Variants in RNLS observed in about 807,000 individuals in gnomAD.
The protein encoded by RNLS is renalase, FAD dependent amine oxidase.
A neutral mutation model predicts 39.8 loss-of-function variants in RNLS; 39 were observed. The ratio of observed to expected loss-of-function variants is 0.98; its 90% confidence interval spans 0.76 to 1.28. The LOEUF (loss-of-function observed/expected upper bound fraction) is 1.28. Among genes scored for constraint, RNLS ranks in the 50% most tolerant of loss-of-function variants. RNLS has a pLI of 0.00. For missense variants in RNLS, 410 were observed against 413.3 expected, an observed-to-expected ratio of 0.99 and a Z score of 0.07; for synonymous variants, 147 against 150.7, an observed-to-expected ratio of 0.98 and a Z score of 0.18.
chr10:88,408,676 G>C (rs1303981482), intron 4 of RNLS, among the ~76,000 whole-genome samples: 2 of 151,746 alleles, frequency 1.3e-5, no homozygotes, highest in Non-Finnish European at 2.9e-5. Context: ...TTATTTATTT[G>C]GAATTTTTTT....
intron 5 of RNLS, among the ~76,000 whole-genome samples, chr10:88,334,127 G>T (rs974180786): frequency 2.0e-5 from 3 of 152,108 alleles, no homozygotes; most frequent in Admixed American, 2.0e-4. Context: ...GAGTCAAAGG[G>T]TAAGCATATT....
intron 4 of RNLS, among the ~76,000 whole-genome samples, chr10:88,554,048 T>C (rs931526017): frequency 1.3e-5 from 2 of 152,036 alleles, no homozygotes; most frequent in South Asian, 2.1e-4. Context: ...TAAAAATATA[T>C]ATGGAAAGAT....
intron 5 of RNLS, among the ~76,000 whole-genome samples, chr10:88,334,566 T>C (rs1847348110): frequency 6.6e-6 from 1 of 152,178 alleles, no homozygotes; most frequent in African/African-American, 2.4e-5. Flanking sequence ...CAATGGGAAA[T>C]GCAGATTTCA....
chr10:88,487,136 A>G (rs1171376708), intron 4 of RNLS, among the ~76,000 whole-genome samples: 1 of 152,158 alleles, frequency 6.6e-6, no homozygotes, highest in Non-Finnish European at 1.5e-5. Flanking sequence ...CTCATTTATA[A>G]GTGGGAGCTA....
chr10:88,387,502 CAAAAA>C (rs5786817), intron 4 of RNLS, among the ~76,000 whole-genome samples: 14 of 70,118 alleles, frequency 2.0e-4, no homozygotes, highest in East Asian at 1.2e-3. Flanking sequence ...GAGAACAGAG[CAAAAA>C]AAAAAAAAAA....
the RNLS span, among the ~76,000 whole-genome samples, chr10:88,204,567 A>G: frequency 1.3e-5 from 2 of 152,160 alleles, no homozygotes; most frequent in African/African-American, 4.8e-5. Context: ...AATGAGAATA[A>G]TGACTATTGA....
At chr10:88,292,740 GCA>G (rs976531412) in intron 6 of RNLS, among the ~76,000 whole-genome samples, 3 of 151,972 alleles carry the variant, frequency 2.0e-5, no homozygotes, top group African/African-American at 7.2e-5. Context: ...TACTCACACT[GCA>G]TCTTTTAATA....
intron 4 of RNLS, among the ~76,000 whole-genome samples, chr10:88,521,913 G>A (rs1211057430): frequency 6.6e-6 from 1 of 151,948 alleles, no homozygotes; most frequent in Admixed American, 6.6e-5. Context: ...TTAGAAGGCC[G>A]ATTTCCATCA....
At chr10:88,499,803 A>T (rs1845372803) in intron 4 of RNLS, among the ~76,000 whole-genome samples, 1 of 152,144 alleles carries the variant, frequency 6.6e-6, no homozygotes, top group African/African-American at 2.4e-5. Context: ...CTTGTGCCCC[A>T]GCAGTGGGCC....
the RNLS span, among the ~76,000 whole-genome samples, chr10:88,195,150 C>T: frequency 1.3e-5 from 2 of 152,080 alleles, no homozygotes; most frequent in Non-Finnish European, 2.9e-5. Context: ...TTTTTCCTGA[C>T]CCTGAATGAG....
chr10:88,419,357 T>C lies in RNLS; in HGVS notation c.527-56632A>G, dbSNP rs115307620. On this transcript the variant is annotated intron_variant, in intron 4 of 6. Coordinates refer to ENST00000331772, the MANE Select transcript of RNLS (RefSeq NM_001031709.3). ...GCAAGAATTCTGTCTTAGAGATCAT[T>C]CATATGGCCACTGCCAGAAGACTAG... Among the ~76,000 whole-genome samples, 1,515 of 152,260 alleles carry C rather than the reference T, an allele frequency of 1.0e-2. 27 individuals are homozygous for C. Among genetic ancestry groups the C allele is most frequent in the African/African-American group, 0.034 (1,433 of 41,540 alleles).
chr10:88,181,233 G>A, the RNLS span, among the ~76,000 whole-genome samples: 5 of 152,152 alleles, frequency 3.3e-5, no homozygotes, highest in African/African-American at 1.2e-4. Flanking sequence ...CAGGAAATTT[G>A]GAGGTCTCTA....
At chr10:88,213,385 T>G in the RNLS span, among the ~76,000 whole-genome samples, 1 of 151,888 alleles carries the variant, frequency 6.6e-6, no homozygotes, top group East Asian at 1.9e-4. Flanking sequence ...TCATACCCCT[T>G]TATTTCTGGC....
rs561944329 is a variant in RNLS, at chr10:88,404,376, G to T, written c.527-41651C>A. Among the ~76,000 whole-genome samples the T allele has an allele frequency of 8.3e-4, 127 of 152,166 alleles. 1 individual carries two copies. In the Middle Eastern group the frequency reaches 0.02, roughly 24 times the overall value. ...CTGTTTCATCATCTGGATAATGAAA[G>T]AGTTCTGTAAACTTCTCTACAATTC... On this transcript the variant is annotated intron_variant, in intron 4 of 6. Coordinates refer to ENST00000331772, the MANE Select transcript of RNLS (RefSeq NM_001031709.3).
chr10:88,257,384 C>T, the RNLS span, among the ~76,000 whole-genome samples: 7 of 152,134 alleles, frequency 4.6e-5, no homozygotes, highest in Admixed American at 6.5e-5. Context: ...GACAATATAG[C>T]GTGCACACTA....
At chr10:88,241,017 C>T in the RNLS span, among the ~76,000 whole-genome samples, 63 of 150,102 alleles carry the variant, frequency 4.2e-4, no homozygotes, top group Non-Finnish European at 7.5e-4. Context: ...TAAATTCTTA[C>T]ATGAAATGTA....
rs548970381 is a variant in RNLS at position 88,507,468 on chromosome 10, C to A, written c.526+65435G>T. Among the ~76,000 whole-genome samples, 90 of 152,194 alleles carry A rather than the reference C, an allele frequency of 5.9e-4. 1 individual carries two copies. The highest frequency in any genetic ancestry group is 2.0e-3 in the African/African-American group (83 of 41,556). ...AGTATTAAACCTTTCCTTTCACAAT[C>A]ATTTGTTCTTGAGCAACTGTACTAA... On this transcript the variant is annotated intron_variant, in intron 4 of 6. Coordinates refer to ENST00000331772, the MANE Select transcript of RNLS (RefSeq NM_001031709.3).
chr10:88,215,556 T>C, the RNLS span, among the ~76,000 whole-genome samples: 23 of 152,290 alleles, frequency 1.5e-4, no homozygotes, highest in African/African-American at 5.5e-4. Flanking sequence ...TCGCTTAAAT[T>C]GTAAATAATG....
intron 4 of RNLS, among the ~76,000 whole-genome samples, chr10:88,427,366 A>G (rs939828360): frequency 2.6e-5 from 4 of 152,002 alleles, no homozygotes; most frequent in Admixed American, 1.3e-4. Flanking sequence ...TTTCAGAACA[A>G]GAAGAATTAT....
Sources: allele counts gnomAD v4.1 joint callset (sites outside exome capture counted in the v4.1 genomes callset), GRCh38; gene constraint gnomAD v4.1.1; transcripts MANE v1.5; gene names NCBI Gene and HGNC (gene_info 2026-07-23, HGNC 2026-07-21).